CDH18: variants seen among roughly 807,000 people sequenced by gnomAD.
CDH18 encodes cadherin 18, also known as cadherin-18.
In CDH18, 31 loss-of-function variants were observed where a neutral mutation model predicts 67.9. The observed-to-expected ratio is 0.46, with a 90% CI of 0.34 to 0.62. The LOEUF (loss-of-function observed/expected upper bound fraction) is 0.62, where lower values mean the gene tolerates loss of function less well. Ranked by LOEUF, CDH18 falls within the 20% of genes least tolerant of loss-of-function variation. The probability of loss-of-function intolerance (pLI) is 0.01; values close to 1 mark genes in which losing one functional copy is unlikely to be tolerated. For synonymous variants in CDH18, 362 were observed against 347.2 expected, an observed-to-expected ratio of 1.04 and a Z score of -0.48; for missense variants, 890 against 975.5, an observed-to-expected ratio of 0.91 and a Z score of 1.17.
At chr5:19,830,499 T>C (rs1477170311) in intron 3 of CDH18, among the ~76,000 whole-genome samples, 1 of 152,058 alleles carries the variant, frequency 6.6e-6, no homozygotes, top group Non-Finnish European at 1.5e-5. Flanking sequence ...ACCATCTTAC[T>C]ACAGTCAGAA....
chr5:19,933,384 C>T (rs138370217), intron 2 of CDH18, among the ~76,000 whole-genome samples: 2 of 151,556 alleles, frequency 1.3e-5, no homozygotes, highest in East Asian at 3.9e-4. Context: ...GAAAAGCATC[C>T]CATCAATTGC....
intron 2 of CDH18, among the ~76,000 whole-genome samples, chr5:19,980,326 C>T (rs1279479584): frequency 2.0e-5 from 3 of 151,772 alleles, no homozygotes; most frequent in African/African-American, 4.8e-5. Flanking sequence ...AATGGACTCA[C>T]CTTGAATATA....
intron 12 of CDH18, among the ~76,000 whole-genome samples, chr5:19,475,325 C>A (rs989836886): frequency 2.0e-5 from 3 of 151,804 alleles, no homozygotes; most frequent in African/African-American, 7.3e-5. Flanking sequence ...AACATTATAG[C>A]TTAGCCTAGC....
At chr5:20,456,575 C>A (rs1166868393) in intron 1 of CDH18, among the ~76,000 whole-genome samples, 2 of 151,978 alleles carry the variant, frequency 1.3e-5, no homozygotes, top group African/African-American at 4.8e-5. Context: ...GTACAAAATT[C>A]CAAAATTCAG....
chr5:20,110,005 A>T (rs1261884878), intron 2 of CDH18, among the ~76,000 whole-genome samples: 1 of 152,216 alleles, frequency 6.6e-6, no homozygotes, highest in Non-Finnish European at 1.5e-5. Context: ...AATGAGATAG[A>T]AGAAAGAGAG....
intron 5 of CDH18, among the ~76,000 whole-genome samples, chr5:19,624,278 A>T (rs1226616184): frequency 6.6e-6 from 1 of 152,008 alleles, no homozygotes; most frequent in African/African-American, 2.4e-5. Context: ...AAGTGCTGGG[A>T]TTACAGGTGT....
rs3065078 is a variant in CDH18 at position 19,962,378 on chromosome 5, C to CAAAAAAAAAAAA, written c.-257+18670_-257+18681dup. 9.7e-4 allele frequency among the ~76,000 whole-genome samples: 50 copies of CAAAAAAAAAAAA among 51,570 alleles called. 3 individuals carry two copies. Among genetic ancestry groups the CAAAAAAAAAAAA allele is most frequent in the East Asian group, 6.6e-3 (12 of 1,820 alleles). 33.8% of individuals were successfully genotyped at this position (51,570 alleles called of 152,430 possible). A position where few individuals can be genotyped will look rare whatever the true frequency, so the allele number is the denominator to read the frequency against. On this transcript the variant is annotated intron_variant, in intron 2 of 12. Coordinates refer to ENST00000382275, the MANE Select transcript of CDH18 (RefSeq NM_004934.5). ...AATTTAGAGAATAAACGTCAAAAAG[C>CAAAAAAAAAAAA]AAAAAAAAAAAAAAAAAAGAAAATT... is the stretch of plus-strand genomic sequence containing the variant.
At chr5:20,299,192 TAGG>T (rs1747764027) in intron 1 of CDH18, among the ~76,000 whole-genome samples, 1 of 152,044 alleles carries the variant, frequency 6.6e-6, no homozygotes, top group Non-Finnish European at 1.5e-5. Flanking sequence ...GGAGGTCTAT[TAGG>T]AGGTGAGCAC....
chr5:20,081,979 A>G (rs1744515169), intron 2 of CDH18, among the ~76,000 whole-genome samples: 1 of 152,234 alleles, frequency 6.6e-6, no homozygotes, highest in African/African-American at 2.4e-5. Flanking sequence ...ATTTTAGGAA[A>G]CATAATATTA....
rs184471137 is a variant in CDH18 at position 20,079,714 on chromosome 5, A to G, written c.-517-87700T>C. ...GGTTCTTGACCAACAAGTGGTCAAG[A>G]GTACTATCTCAGTCAGTTTGGACTG... is the stretch of plus-strand genomic sequence containing the variant. On this transcript the variant is annotated intron_variant, in intron 2 of 14. Coordinates refer to the CDH18 transcript ENST00000507958. Among the ~76,000 whole-genome samples the G allele has an allele frequency of 5.4e-4, 82 of 152,300 alleles. 1 individual carries two copies. The highest frequency in any genetic ancestry group is 4.7e-3 in the Admixed American group (72 of 15,298).
chr5:20,027,846 T>C (rs1445399161), intron 2 of CDH18, among the ~76,000 whole-genome samples: 1 of 152,210 alleles, frequency 6.6e-6, no homozygotes, highest in Non-Finnish European at 1.5e-5. Context: ...AAGGAATATG[T>C]AAATTAATGT....
intron 4 of CDH18, among the ~76,000 whole-genome samples, chr5:19,746,439 T>G (rs183460538): frequency 2.3e-4 from 35 of 152,354 alleles, no homozygotes; most frequent in Non-Finnish European, 4.3e-4. Context: ...AAATAAGGTA[T>G]ATAAATGCTT....
At chr5:19,479,832 A>G (rs894335423) in intron 12 of CDH18, among the ~76,000 whole-genome samples, 1 of 152,180 alleles carries the variant, frequency 6.6e-6, no homozygotes, top group Non-Finnish European at 1.5e-5. Context: ...TCAACTAATA[A>G]AAATGAAAAA....
chr5:20,400,800 A>C (rs887618348), intron 1 of CDH18, among the ~76,000 whole-genome samples: 1 of 152,194 alleles, frequency 6.6e-6, no homozygotes. Context: ...TAAAATAAGT[A>C]AAATAAGTAA....
chr5:20,525,962 C>A (rs1756027761), intron 1 of CDH18, among the ~76,000 whole-genome samples: 1 of 152,050 alleles, frequency 6.6e-6, no homozygotes, highest in Non-Finnish European at 1.5e-5. Flanking sequence ...TCTTGTTTGA[C>A]AATGAGAGTA....
intron 2 of CDH18, among the ~76,000 whole-genome samples, chr5:20,118,743 G>A (rs1224146153): frequency 1.3e-5 from 2 of 151,988 alleles, no homozygotes; most frequent in East Asian, 3.9e-4. Flanking sequence ...TTTGCCCACT[G>A]GCCCAGCCTG....
At chr5:19,719,869 AGAG>A (rs754443865) in intron 5 of CDH18, among the ~76,000 whole-genome samples, 2 of 150,742 alleles carry the variant, frequency 1.3e-5, no homozygotes, top group Non-Finnish European at 3.0e-5. Flanking sequence ...AAGAAAGAAA[AGAG>A]AGAGAGAGAA....
intron 3 of CDH18, among the ~76,000 whole-genome samples, chr5:19,780,499 T>G (rs1286969373): frequency 6.6e-6 from 1 of 152,108 alleles, no homozygotes; most frequent in Admixed American, 6.6e-5. Context: ...TATATCTGTT[T>G]AGTCTAAATT....
In CDH18 at chr5:19,643,429, T is replaced by C. The variant is rs184679835; in HGVS notation, c.644-30828A>G. On this transcript the variant is annotated intron_variant, in intron 5 of 12. Transcript: ENST00000382275. The stretch of plus-strand genomic sequence containing the variant: ...CACAATCGCTAAGATAAAGAAACCA[T>C]CTAAATATCTATTGATAGATCAATA... Among the ~76,000 whole-genome samples, 11 of 152,250 alleles carry C rather than the reference T, an allele frequency of 7.2e-5. No homozygotes were observed. The East Asian group carries it at 2.1e-3, about 29-fold the overall frequency.
Sources: allele counts gnomAD v4.1 joint callset (sites outside exome capture counted in the v4.1 genomes callset), GRCh38; gene constraint gnomAD v4.1.1; transcripts MANE v1.5; gene names NCBI Gene and HGNC (gene_info 2026-07-23, HGNC 2026-07-21).